TP63: variants seen among roughly 807,000 people sequenced by gnomAD.
TP63 encodes tumor protein 63.
A neutral mutation model predicts 82.8 loss-of-function variants in TP63; 17 were observed. That is an observed-to-expected ratio of 0.21 (90% CI 0.14 to 0.31). The LOEUF is 0.31. Ranked by LOEUF, TP63 falls within the 10% of genes least tolerant of loss-of-function variation. TP63 has a pLI of 1.00. For missense variants in TP63, 648 were observed against 895.3 expected (o/e 0.72, Z 3.52); for synonymous variants, 330 against 321.7 (o/e 1.03, Z -0.28).
Position 189,894,302 on chromosome 3 carries a change from C to T in TP63, c.1843C>T (p.His615Tyr), listed in dbSNP as rs2108873600. 6.2e-7 allele frequency: 1 copy of T among 1,613,920 alleles called. No homozygotes were observed. The highest frequency in any genetic ancestry group is 1.3e-5 in the African/African-American group (1 of 74,968). ...RQLHEFSSPS[H>Y]LLRTPSSAST... ...GCTCCACGAATTCTCCTCCCCTTCT[C>T]ATCTCCTGCGGACCCCAAGCAGTGC... is the stretch of plus-strand genomic sequence containing the variant. The change falls in exon 14 of 14, where the codon CAT becomes TAT. Residue 615 changes from histidine to tyrosine, a missense_variant. Physicochemically the swap from His to Tyr is moderately conservative, Grantham distance 83. Coordinates refer to ENST00000264731, the MANE Select transcript of TP63 (RefSeq NM_003722.5).
At position 189,719,148 on chromosome 3, in the gene TP63, A is replaced by G. The variant is rs538805402; in HGVS notation, c.63-18592A>G. On this transcript the variant is annotated intron_variant, in intron 1 of 13. Transcript: ENST00000264731. Reference sequence around the variant, plus strand: ...AAAGCCATAGACGCACGAAGGAAAAACCTGCCCACAGAAAAACGGTGTTCT... The same window carrying G: ...AAAGCCATAGACGCACGAAGGAAAAGCCTGCCCACAGAAAAACGGTGTTCT... Among the ~76,000 whole-genome samples, 116 of 152,222 alleles carry G rather than the reference A, an allele frequency of 7.6e-4. 1 individual carries two copies. The highest frequency in any genetic ancestry group is 3.4e-3 in the Middle Eastern group (1 of 294).
intron 3 of TP63, chr3:189,789,620 C>T: frequency 7.4e-7 from 1 of 1,343,106 alleles, no homozygotes; most frequent in Non-Finnish European, 9.6e-7. Flanking sequence ...CTCCTCATGC[C>T]TATAGTTGGG....
At chr3:189,663,320 C>A (rs563673364) in intron 1 of TP63, among the ~76,000 whole-genome samples, 1 of 151,966 alleles carries the variant, frequency 6.6e-6, no homozygotes, top group Non-Finnish European at 1.5e-5. Flanking sequence ...CATTTAAGTT[C>A]TTTTTCATCA....
chr3:189,640,943 A>T (rs1711805593), intron 1 of TP63, among the ~76,000 whole-genome samples: 1 of 152,196 alleles, frequency 6.6e-6, no homozygotes, highest in Non-Finnish European at 1.5e-5. Flanking sequence ...ATAAACACAT[A>T]AATAAAACTG....
intron 1 of TP63, among the ~76,000 whole-genome samples, chr3:189,674,427 C>T (rs986630590): frequency 6.6e-6 from 1 of 151,986 alleles, no homozygotes; most frequent in Middle Eastern, 3.2e-3. Context: ...GGCGATGATC[C>T]AGGAAGCAAG....
chr3:189,744,841 C>T (rs1489761615), intron 3 of TP63, among the ~76,000 whole-genome samples: 1 of 152,164 alleles, frequency 6.6e-6, no homozygotes, highest in East Asian at 1.9e-4. Context: ...ACAATGGTAC[C>T]AGTGTACACT....
At chr3:189,757,125 C>G (rs1287986622) in intron 3 of TP63, among the ~76,000 whole-genome samples, 2 of 152,124 alleles carry the variant, frequency 1.3e-5, no homozygotes, top group Non-Finnish European at 2.9e-5. Context: ...GAACTTTAGA[C>G]CTGCTAATTC....
At chr3:189,776,469 A>G (rs1723803339) in intron 3 of TP63, among the ~76,000 whole-genome samples, 1 of 152,224 alleles carries the variant, frequency 6.6e-6, no homozygotes, top group African/African-American at 2.4e-5. Context: ...TGGATGCTTA[A>G]CTGATTGCTT....
chr3:189,673,865 A>C (rs373061418), intron 1 of TP63, among the ~76,000 whole-genome samples: 15 of 152,290 alleles, frequency 9.8e-5, no homozygotes, highest in African/African-American at 3.6e-4. Flanking sequence ...AAATATGTGA[A>C]GTAATTGGCA....
intron 4 of TP63, among the ~76,000 whole-genome samples, chr3:189,816,467 G>A (rs964792310): frequency 6.6e-6 from 1 of 152,120 alleles, no homozygotes; most frequent in East Asian, 1.9e-4. Flanking sequence ...TTGGTAAAGG[G>A]CCGATGTATG....
At position 189,648,999 on chromosome 3, in the gene TP63, C is replaced by G. The variant is rs1307204830; in HGVS notation, c.62+17422C>G. Among the ~76,000 whole-genome samples, 10 of 146,970 alleles carry G rather than the reference C, an allele frequency of 6.8e-5. 1 individual carries two copies. The highest frequency in any genetic ancestry group is 2.5e-4 in the African/African-American group (10 of 39,220). On this transcript the variant is annotated intron_variant, in intron 1 of 13. Coordinates refer to ENST00000264731, the MANE Select transcript of TP63 (RefSeq NM_003722.5). ...CCTTGTTGTTATTACATAGTTCTCT[C>G]TAGTTACTGTTCATTTTAAAAATGT... is the stretch of plus-strand genomic sequence containing the variant.
chr3:189,890,659 A>G, intron 12 of TP63, 130 bp from the exon 13 acceptor site: 1 of 739,002 alleles, frequency 1.4e-6, no homozygotes, highest in Non-Finnish European at 2.4e-6. Context: ...CATATATATT[A>G]CCCAATCCTC....
At position 189,727,134 on chromosome 3, in the gene TP63, G is replaced by T. The variant is rs190486412; in HGVS notation, c.63-10606G>T. Among the ~76,000 whole-genome samples the T allele has an allele frequency of 9.3e-4, 142 of 152,384 alleles. 2 individuals are homozygous for T. The highest frequency in any genetic ancestry group is 2.7e-3 in the African/African-American group (113 of 41,598). ...GATTCTTCACTAAGCTTTCAGCTAT[G>T]GGACTTGGATTAGGAAAGTGGATTA... On this transcript the variant is annotated intron_variant, in intron 1 of 13. Coordinates refer to ENST00000264731, the MANE Select transcript of TP63 (RefSeq NM_003722.5).
At chr3:189,600,411 T>G in the TP63 span, among the ~76,000 whole-genome samples, 1 of 152,208 alleles carries the variant, frequency 6.6e-6, no homozygotes, top group African/African-American at 2.4e-5. Flanking sequence ...CAATTCTAAG[T>G]GCTTTACATG....
intron 3 of TP63, among the ~76,000 whole-genome samples, chr3:189,800,145 A>G (rs1029946708): frequency 2.0e-5 from 3 of 152,188 alleles, no homozygotes; most frequent in Non-Finnish European, 4.4e-5. Flanking sequence ...GGGAGATGAC[A>G]TCTGAGCTAA....
chr3:189,599,973 C>G, the TP63 span, among the ~76,000 whole-genome samples: 117 of 152,118 alleles, frequency 7.7e-4, no homozygotes, highest in African/African-American at 2.6e-3. Flanking sequence ...GTTGCTGTTA[C>G]AAGAATAAAT....
At chr3:189,792,166 C>T (rs1327101324) in intron 3 of TP63, among the ~76,000 whole-genome samples, 2 of 151,946 alleles carry the variant, frequency 1.3e-5, no homozygotes, top group Admixed American at 1.3e-4. Flanking sequence ...CAACCCTTAG[C>T]AGATTTGGAT....
At chr3:189,721,742 G>A (rs566619460) in intron 1 of TP63, among the ~76,000 whole-genome samples, 3 of 152,208 alleles carry the variant, frequency 2.0e-5, no homozygotes, top group Non-Finnish European at 2.9e-5. Flanking sequence ...GCTTATCCTC[G>A]CCACTTGAGA....
intron 12 of TP63, among the ~76,000 whole-genome samples, chr3:189,890,460 G>A (rs1282031220): frequency 6.6e-6 from 1 of 152,048 alleles, no homozygotes; most frequent in Non-Finnish European, 1.5e-5. Flanking sequence ...AAGAAAGCTA[G>A]GAACCTGAAC....
Sources: allele counts gnomAD v4.1 joint callset (sites outside exome capture counted in the v4.1 genomes callset), GRCh38; gene constraint gnomAD v4.1.1; transcripts MANE v1.5; gene names NCBI Gene and HGNC (gene_info 2026-07-23, HGNC 2026-07-21).